Variants in LASP1 observed in about 807,000 individuals in gnomAD.
LASP1 encodes the protein LIM and SH3 domain protein 1.
Under a neutral mutation model 38.6 loss-of-function variants are expected in LASP1, and 10 were observed. The ratio of observed to expected loss-of-function variants is 0.26; its 90% CI spans 0.16 to 0.44. The LOEUF (loss-of-function observed/expected upper bound fraction) is 0.44. Among genes scored for constraint, LASP1 ranks in the 20% least tolerant of loss-of-function variants. The pLI, the probability that LASP1 is intolerant of heterozygous loss-of-function variation, is 1.00. For missense variants in LASP1, 243 were observed against 375.7 expected, an observed-to-expected ratio of 0.65 and a Z score of 2.92; for synonymous variants, 132 against 140.8, an observed-to-expected ratio of 0.94 and a Z score of 0.44.
Position 38,898,492 on chromosome 17 carries a change from CAAG to C in LASP1, c.335_337del (p.Lys112del), listed in dbSNP as rs1196287855. ...CAGACACGCCCGAGCTCCAGAGAAT[CAAG>C]AAGACCCAGGACCAGATCAGTAACG... On this transcript the variant is annotated inframe_deletion, in exon 4 of 7. Transcript: ENST00000318008. The C allele has an allele frequency of 6.4e-7, 1 of 1,551,488 alleles. No homozygotes were observed. The highest frequency in any genetic ancestry group is 8.7e-7 in the Non-Finnish European group (1 of 1,146,756).
chr17:38,873,750 G>C (rs1356255834), intron 1 of LASP1: 1 of 152,310 alleles, frequency 6.6e-6, no homozygotes, highest in Non-Finnish European at 1.5e-5. Context: ...AGCTAGGCTG[G>C]TGCCCCGGCC....
At chr17:38,908,680 C>T (rs1914839199) in intron 4 of LASP1, among the ~76,000 whole-genome samples, 1 of 152,234 alleles carries the variant, frequency 6.6e-6, no homozygotes, top group Admixed American at 6.5e-5. Flanking sequence ...TGCGTCCAGA[C>T]TGGACTCCCC....
chr17:38,894,643 C>G (rs1431152468), intron 3 of LASP1, among the ~76,000 whole-genome samples: 1 of 152,178 alleles, frequency 6.6e-6, no homozygotes. Flanking sequence ...CATGAAGAAG[C>G]TGGGAAATAC....
At chr17:38,890,538 G>A in intron 3 of LASP1, 34 bp downstream of exon 3, 1 of 1,590,664 alleles carries the variant, frequency 6.3e-7, no homozygotes, top group Non-Finnish European at 8.6e-7. Context: ...GCCTGGCAGG[G>A]AGGGATGCTG....
intron 3 of LASP1, among the ~76,000 whole-genome samples, chr17:38,895,471 G>A (rs35728017): frequency 0.32 from 47,926 of 151,614 alleles, 9,504 homozygotes; most frequent in Middle Eastern, 0.49. Context: ...CGCCCACCAC[G>A]CCCGGCTAAC....
chr17:38,901,835 G>C (rs1292265823), intron 4 of LASP1, among the ~76,000 whole-genome samples: 1 of 151,920 alleles, frequency 6.6e-6, no homozygotes, highest in Non-Finnish European at 1.5e-5. Context: ...GCGCAATCTC[G>C]GCTCACTGCA....
intron 1 of LASP1, among the ~76,000 whole-genome samples, chr17:38,875,691 G>A (rs1913749079): frequency 6.6e-6 from 1 of 152,132 alleles, no homozygotes; most frequent in Non-Finnish European, 1.5e-5. Context: ...ATTACCCTGG[G>A]GGTCTCTGGT....
chr17:38,914,218 C>A, intron 4 of LASP1, 107 bp from the exon 5 acceptor site: 1 of 1,359,640 alleles, frequency 7.4e-7, no homozygotes, highest in Non-Finnish European at 1.0e-6. Context: ...GCTTTCTGTA[C>A]CCAAAGCTCT....
intron 2 of LASP1, among the ~76,000 whole-genome samples, chr17:38,885,560 A>G (rs1234911548): frequency 6.6e-6 from 1 of 152,174 alleles, no homozygotes; most frequent in Non-Finnish European, 1.5e-5. Context: ...CCCACTTGGA[A>G]TGATTAACAA....
intron 1 of LASP1, among the ~76,000 whole-genome samples, chr17:38,872,214 C>T (rs1444048333): frequency 6.6e-6 from 1 of 152,148 alleles, no homozygotes; most frequent in Non-Finnish European, 1.5e-5. Flanking sequence ...GGGCAGTGCA[C>T]TAAAGTCCCT....
intron 3 of LASP1, among the ~76,000 whole-genome samples, chr17:38,893,328 C>CT (rs928138737): frequency 2.0e-5 from 3 of 152,230 alleles, no homozygotes; most frequent in African/African-American, 7.2e-5. Flanking sequence ...ACCCAAGGGA[C>CT]TTCTGCTTGG....
At chr17:38,917,543 C>T (rs1194058053) in intron 6 of LASP1, among the ~76,000 whole-genome samples, 1 of 152,080 alleles carries the variant, frequency 6.6e-6, no homozygotes, top group Non-Finnish European at 1.5e-5. Context: ...ACCTGATAGA[C>T]TCGTCTTCTG....
chr17:38,890,402 G>GTT lies in LASP1; in HGVS notation c.165-13_165-12dup, dbSNP rs774873417. ...CCTCCCCCAGAGTCACCCCCACTCT[G>GTT]TTTTTTCTGTCCTGCAGACACTACC... On this transcript the variant is annotated splice_polypyrimidine_tract_variant and intron_variant, in intron 2 of 6. Coordinates refer to ENST00000318008, the MANE Select transcript of LASP1 (RefSeq NM_006148.4). 1.9e-6 allele frequency: 3 copies of GTT among 1,613,212 alleles called. No individual in the cohort carries two copies. The highest frequency in any genetic ancestry group is 2.5e-6 in the Non-Finnish European group (3 of 1,179,316).
intron 4 of LASP1, among the ~76,000 whole-genome samples, chr17:38,901,859 G>A (rs1269426919): frequency 6.6e-6 from 1 of 151,980 alleles, no homozygotes. Context: ...TCCGCCTCCC[G>A]GGTTCACGCC....
Position 38,918,991 on chromosome 17 carries a change from G to T in LASP1, c.*213G>T. On this transcript the variant is annotated 3_prime_UTR_variant, in exon 7 of 7. Transcript: ENST00000318008. This position sits in a 1 kb window ranked among gnomAD's most constrained non-coding sequence, Gnocchi z 4.4. ...AGGCTTCCCCCTTGATCGACTTCTT[G>T]GTTTTCTCTCTGGATGGAACGGGCA... The T allele has an allele frequency of 1.6e-6, 1 of 608,860 alleles. No individual in the cohort carries two copies. Among genetic ancestry groups the T allele is most frequent in the Admixed American group, 3.0e-5 (1 of 33,134 alleles). The allele number at this position is 608,860 out of a possible 1,614,324, so 37.7% of individuals were successfully genotyped here.
chr17:38,882,482 A>G (rs1389745300), intron 2 of LASP1, among the ~76,000 whole-genome samples: 1 of 152,124 alleles, frequency 6.6e-6, no homozygotes, highest in Non-Finnish European at 1.5e-5. Flanking sequence ...TCTTGACCTC[A>G]GGTGATCCAC....
rs34397105 is a variant in LASP1 at position 38,899,747 on chromosome 17, C to CTTTTTTTTT, written c.357+1235_357+1243dup. 2.2e-3 allele frequency among the ~76,000 whole-genome samples: 302 copies of CTTTTTTTTT among 136,148 alleles called. 8 individuals carry two copies. Among genetic ancestry groups the CTTTTTTTTT allele is most frequent in the Non-Finnish European group, 3.3e-3 (210 of 63,720 alleles). 89.3% of individuals were successfully genotyped at this position (136,148 alleles called of 152,430 possible). A position where few individuals can be genotyped will look rare whatever the true frequency, so the allele number is the denominator to read the frequency against. ...CTTCCTACTTAGAGGGCGTTCAGAT[C>CTTTTTTTTT]TTTTTTTTTTTTTTTGAGACAGAGT... On this transcript the variant is annotated intron_variant, in intron 4 of 6. Coordinates refer to ENST00000318008, the MANE Select transcript of LASP1 (RefSeq NM_006148.4).
chr17:38,880,344 GTCT>G (rs1427083195), intron 2 of LASP1, among the ~76,000 whole-genome samples: 3 of 152,198 alleles, frequency 2.0e-5, no homozygotes, highest in Non-Finnish European at 2.9e-5. Flanking sequence ...TGTTTTTACT[GTCT>G]TCTTGGGAAG....
chr17:38,914,165 C>T (rs1454966101), intron 4 of LASP1, among the ~76,000 whole-genome samples, 160 bp from the exon 5 acceptor site: 1 of 152,158 alleles, frequency 6.6e-6, no homozygotes, highest in Non-Finnish European at 1.5e-5. Flanking sequence ...GATTAGGTAG[C>T]TTGTCCAAGG....
Sources: allele counts gnomAD v4.1 joint callset (sites outside exome capture counted in the v4.1 genomes callset), GRCh38; gene constraint gnomAD v4.1.1; non-coding constraint Gnocchi (gnomAD v3.1); transcripts MANE v1.5; gene names NCBI Gene and HGNC (gene_info 2026-07-23, HGNC 2026-07-21).